The following PCDH7 variants were observed in gnomAD, a reference collection of about 807,000 sequenced individuals.
PCDH7 encodes protocadherin 7, also known as protocadherin-7.
PCDH7 carries 17 observed loss-of-function variants against 58.9 expected under a neutral mutation model. The observed-to-expected ratio is 0.29, with a 90% CI of 0.20 to 0.43. The LOEUF is 0.43. Ranked by LOEUF, PCDH7 falls within the 20% of genes least tolerant of loss-of-function variation. The probability of loss-of-function intolerance (pLI) is 1.00; values close to 1 mark genes in which losing one functional copy is unlikely to be tolerated. For synonymous variants in PCDH7, 664 were observed against 616.4 expected, an observed-to-expected ratio of 1.08 and a Z score of -1.14; for missense variants, 1,274 against 1,441.0, an observed-to-expected ratio of 0.88 and a Z score of 1.88.
At chr4:31,029,920 A>T (rs186996798) in intron 3 of PCDH7, among the ~76,000 whole-genome samples, 1 of 152,294 alleles carries the variant, frequency 6.6e-6, no homozygotes, top group East Asian at 1.9e-4. Context: ...AGAAAGACTA[A>T]TGCAGAAGTA....
intron 3 of PCDH7, among the ~76,000 whole-genome samples, chr4:31,016,790 TG>T (rs1486651227): frequency 6.6e-6 from 1 of 151,674 alleles, no homozygotes; most frequent in Admixed American, 6.6e-5. Flanking sequence ...CTATTGTGTG[TG>T]TGTGTGTGCG....
At chr4:31,061,902 G>T (rs1173601320) in intron 3 of PCDH7, among the ~76,000 whole-genome samples, 2 of 151,610 alleles carry the variant, frequency 1.3e-5, no homozygotes, top group Non-Finnish European at 3.0e-5. Context: ...TTTGTTTATT[G>T]AATTTAGGGT....
intron 1 of PCDH7, among the ~76,000 whole-genome samples, chr4:30,794,799 T>TA (rs1192223487): frequency 2.1e-4 from 32 of 152,210 alleles, no homozygotes; most frequent in African/African-American, 7.0e-4. Context: ...TAATTTGTGA[T>TA]AAAAAAATCC....
intron 3 of PCDH7, among the ~76,000 whole-genome samples, chr4:31,056,690 GAGACAGC>G (rs1757286589): frequency 6.6e-6 from 1 of 150,888 alleles, no homozygotes; most frequent in Non-Finnish European, 1.5e-5. Flanking sequence ...AGAGAGGAGA[GAGACAGC>G]AAGAGAGAAA....
chr4:31,027,631 C>CAGG (rs1754546373), intron 3 of PCDH7, among the ~76,000 whole-genome samples: 1 of 152,068 alleles, frequency 6.6e-6, no homozygotes, highest in Admixed American at 6.5e-5. Context: ...CCATGTTGGC[C>CAGG]AGGATAGCTT....
At chr4:30,833,953 T>A (rs1479861188) in intron 1 of PCDH7, among the ~76,000 whole-genome samples, 1 of 152,188 alleles carries the variant, frequency 6.6e-6, no homozygotes, top group African/African-American at 2.4e-5. Flanking sequence ...GCTGATAGGA[T>A]CCCAAATCCA....
At chr4:30,724,712 T>C in intron 1 of PCDH7, 116 bp downstream of exon 1, 1 of 1,454,226 alleles carries the variant, frequency 6.9e-7, no homozygotes, top group Non-Finnish European at 9.1e-7. Flanking sequence ...ATTTTAACAG[T>C]AGGAATTTAA....
At chr4:31,008,725 G>T (rs1329144601) in intron 3 of PCDH7, among the ~76,000 whole-genome samples, 1 of 151,952 alleles carries the variant, frequency 6.6e-6, no homozygotes, top group Non-Finnish European at 1.5e-5. Context: ...CCCACAGATT[G>T]CCTGCCATGT....
At chr4:31,145,343 C>T (rs190815789), downstream of PCDH7, 7 of 151,974 alleles carry the variant, frequency 4.6e-5, no homozygotes, top group East Asian at 1.4e-3. Context: ...GCTGTCATAA[C>T]ATGTTTATTA....
intron 1 of PCDH7, among the ~76,000 whole-genome samples, chr4:30,792,983 T>C (rs1444501070): frequency 6.6e-6 from 1 of 152,106 alleles, no homozygotes; most frequent in Non-Finnish European, 1.5e-5. Context: ...CAACCCCAAA[T>C]TGAAACCTGA....
At chr4:30,999,679 T>C (rs4132132) in intron 3 of PCDH7, among the ~76,000 whole-genome samples, 89,926 of 151,964 alleles carry the variant, frequency 0.59, 29,390 homozygotes, top group African/African-American at 0.88. Flanking sequence ...AGCAATGCAC[T>C]GTAATGTTTT....
chr4:30,857,609 G>A (rs139302792), intron 1 of PCDH7, among the ~76,000 whole-genome samples: 1 of 152,096 alleles, frequency 6.6e-6, no homozygotes, highest in African/African-American at 2.4e-5. Flanking sequence ...CTCATTTTAG[G>A]GATGAGAGAA....
At chr4:30,752,658 A>G (rs1324738394) in intron 1 of PCDH7, among the ~76,000 whole-genome samples, 1 of 147,558 alleles carries the variant, frequency 6.8e-6, no homozygotes. Flanking sequence ...CAAACTTTAT[A>G]AATTGTTTTC....
chr4:30,845,406 G>C (rs1731788914), intron 1 of PCDH7, among the ~76,000 whole-genome samples: 1 of 152,120 alleles, frequency 6.6e-6, no homozygotes. Context: ...GTTTTAACTT[G>C]TGGAGTTGAA....
intron 1 of PCDH7, among the ~76,000 whole-genome samples, chr4:30,757,728 A>G (rs142976309): frequency 6.6e-6 from 1 of 152,250 alleles, no homozygotes; most frequent in Non-Finnish European, 1.5e-5. Flanking sequence ...TTGCATTCCA[A>G]TTAAATTTTT....
intron 3 of PCDH7, among the ~76,000 whole-genome samples, chr4:31,079,830 A>G (rs1407488052): frequency 6.6e-6 from 1 of 152,188 alleles, no homozygotes; most frequent in Non-Finnish European, 1.5e-5. Flanking sequence ...CATACAATGT[A>G]GAATTCTGCA....
chr4:30,947,684 A>T (rs187044556), intron 2 of PCDH7, among the ~76,000 whole-genome samples: 2 of 152,168 alleles, frequency 1.3e-5, no homozygotes, highest in African/African-American at 4.8e-5. Context: ...TCAAACATTT[A>T]TCATTTCTTT....
At chr4:30,728,454 A>G (rs1714966780) in intron 1 of PCDH7, among the ~76,000 whole-genome samples, 1 of 151,790 alleles carries the variant, frequency 6.6e-6, no homozygotes, top group African/African-American at 2.4e-5. Context: ...TTCATAAGGC[A>G]CAATGAATCT....
At chr4:31,087,311 T>C (rs769882393) in intron 3 of PCDH7, among the ~76,000 whole-genome samples, 6 of 152,160 alleles carry the variant, frequency 3.9e-5, no homozygotes, top group Non-Finnish European at 5.9e-5. Flanking sequence ...CATTATGTTT[T>C]ATAAAGATAA....
Sources: allele counts gnomAD v4.1 joint callset (sites outside exome capture counted in the v4.1 genomes callset), GRCh38; gene constraint gnomAD v4.1.1; transcripts MANE v1.5; gene names NCBI Gene and HGNC (gene_info 2026-07-23, HGNC 2026-07-21).